PKHD1: variants seen among roughly 807,000 people sequenced by gnomAD.
PKHD1 encodes the protein fibrocystin.
Under a neutral mutation model 412.0 loss-of-function variants are expected in PKHD1, and 291 were observed. The observed-to-expected ratio is 0.71, with a 90% CI of 0.64 to 0.78. The LOEUF (loss-of-function observed/expected upper bound fraction) is 0.78, where lower values mean the gene tolerates loss of function less well. PKHD1 is among the 30% of genes least tolerant of loss of function. The pLI, the probability that PKHD1 is intolerant of heterozygous loss-of-function variation, is 0.00. For synonymous variants in PKHD1, 1,777 were observed against 1,821.5 expected (o/e 0.98, Z 0.62); for missense variants, 4,825 against 4,950.7 (o/e 0.97, Z 0.76).
chr6:51,793,179 A>G (rs1294581751), intron 52 of PKHD1, among the ~76,000 whole-genome samples: 2 of 152,184 alleles, frequency 1.3e-5, no homozygotes, highest in Non-Finnish European at 2.9e-5. Flanking sequence ...ATAAATATAT[A>G]TCTTAATCTC....
chr6:51,674,227 C>T (rs1257295168), intron 60 of PKHD1, among the ~76,000 whole-genome samples: 1 of 152,130 alleles, frequency 6.6e-6, no homozygotes, highest in Non-Finnish European at 1.5e-5. Context: ...TTTCAGCTAT[C>T]ACATAATGGT....
At chr6:52,047,940 T>C (rs1039390500) in intron 23 of PKHD1, among the ~76,000 whole-genome samples, 6 of 152,212 alleles carry the variant, frequency 3.9e-5, no homozygotes, top group African/African-American at 1.4e-4. Flanking sequence ...TCCTAGATTA[T>C]CCCAGGTGGA....
At chr6:52,054,398 C>CA (rs1338520784) in intron 19 of PKHD1, among the ~76,000 whole-genome samples, 2 of 152,058 alleles carry the variant, frequency 1.3e-5, no homozygotes, top group South Asian at 2.1e-4. Context: ...TTTCTGAGAC[C>CA]AAAAAAATGT....
intron 20 of PKHD1, among the ~76,000 whole-genome samples, chr6:52,053,582 A>G (rs1466532618): frequency 6.6e-6 from 1 of 152,228 alleles, no homozygotes; most frequent in Non-Finnish European, 1.5e-5. Flanking sequence ...GAGAAGATTG[A>G]TACTTCTGGA....
At chr6:51,794,576 C>T (rs766384982) in intron 52 of PKHD1, among the ~76,000 whole-genome samples, 1 of 152,210 alleles carries the variant, frequency 6.6e-6, no homozygotes, top group East Asian at 1.9e-4. Flanking sequence ...TTGGCATCTT[C>T]ATCATGAAAT....
At chr6:51,967,964 T>C (rs890170240) in intron 35 of PKHD1, among the ~76,000 whole-genome samples, 2 of 152,172 alleles carry the variant, frequency 1.3e-5, no homozygotes, top group Non-Finnish European at 2.9e-5. Context: ...GAGCGTACTT[T>C]CCCTGCTATG....
At chr6:51,634,039 ATC>A (rs906571057) in intron 64 of PKHD1, among the ~76,000 whole-genome samples, 1 of 152,090 alleles carries the variant, frequency 6.6e-6, no homozygotes, top group African/African-American at 2.4e-5. Context: ...TGTCAATCAT[ATC>A]TCAATACAAA....
chr6:51,750,922 G>T (rs1231728744), intron 57 of PKHD1, among the ~76,000 whole-genome samples: 1 of 151,966 alleles, frequency 6.6e-6, no homozygotes, highest in African/African-American at 2.4e-5. Flanking sequence ...GACTACAGGT[G>T]CATGCCACCA....
intron 62 of PKHD1, 96 bp downstream of exon 62, chr6:51,648,989 G>T: frequency 1.6e-6 from 2 of 1,235,482 alleles, no homozygotes; most frequent in Non-Finnish European, 2.4e-6. Flanking sequence ...TGGGCACTCT[G>T]TAAATGTGTA....
At chr6:51,924,090 T>C (rs1248210492) in intron 37 of PKHD1, among the ~76,000 whole-genome samples, 1 of 152,174 alleles carries the variant, frequency 6.6e-6, no homozygotes, top group Non-Finnish European at 1.5e-5. Flanking sequence ...TAAAATCCAA[T>C]TTTGACAAAT....
chr6:51,629,573 C>A lies in PKHD1; in HGVS notation c.11666-2457G>T, dbSNP rs1767685641. Reference sequence around the variant, plus strand: ...ACCCTGAAATAAAATCACAGTAAAACAAAACAAAACAAAAAACCAAGAAGA... The same window carrying A: ...ACCCTGAAATAAAATCACAGTAAAAAAAAACAAAACAAAAAACCAAGAAGA... On this transcript the variant is annotated intron_variant, in intron 65 of 66. Transcript: ENST00000371117. Among the ~76,000 whole-genome samples, 2 of 151,226 alleles carry A rather than the reference C, an allele frequency of 1.3e-5. 1 individual carries two copies. The highest frequency in any genetic ancestry group is 4.2e-4 in the South Asian group (2 of 4,796).
chr6:51,737,802 T>C (rs1784048161), intron 60 of PKHD1, among the ~76,000 whole-genome samples: 2 of 152,212 alleles, frequency 1.3e-5, no homozygotes, highest in African/African-American at 4.8e-5. Context: ...AAAATCTCCC[T>C]ACATGCCAAT....
At chr6:51,676,585 G>T (rs7743625) in intron 60 of PKHD1, among the ~76,000 whole-genome samples, 70,873 of 151,878 alleles carry the variant, frequency 0.47, 19,392 homozygotes, top group African/African-American at 0.76. Flanking sequence ...TTCTTTTGTG[G>T]CAAACAACAT....
intron 35 of PKHD1, among the ~76,000 whole-genome samples, chr6:51,994,904 C>T (rs1797538922): frequency 6.6e-6 from 1 of 152,068 alleles, no homozygotes; most frequent in South Asian, 2.1e-4. Flanking sequence ...CCCAGACGTG[C>T]CTCCAAGCAC....
intron 52 of PKHD1, among the ~76,000 whole-genome samples, chr6:51,826,988 G>A (rs1767421389): frequency 6.6e-6 from 1 of 152,088 alleles, no homozygotes; most frequent in Admixed American, 6.6e-5. Flanking sequence ...TGATGGGAAT[G>A]TTCTACACGT....
intron 33 of PKHD1, among the ~76,000 whole-genome samples, chr6:52,022,045 ATGTAGTAAGGTCC>A (rs1426105210): frequency 6.6e-6 from 1 of 152,220 alleles, no homozygotes. Flanking sequence ...GCTATCTCAA[ATGTAGTAAGGTCC>A]TGTAGTAATA....
intron 66 of PKHD1, among the ~76,000 whole-genome samples, chr6:51,621,060 G>A (rs1766552392): frequency 6.6e-6 from 1 of 152,072 alleles, no homozygotes; most frequent in Non-Finnish European, 1.5e-5. Flanking sequence ...TTCCAGAAGT[G>A]TTTCTTCACA....
chr6:52,074,652 C>A (rs966463383), intron 6 of PKHD1, among the ~76,000 whole-genome samples: 6 of 152,120 alleles, frequency 3.9e-5, no homozygotes, highest in Non-Finnish European at 8.8e-5. Flanking sequence ...AATGGCCACA[C>A]CAGAGCACGG....
At chr6:51,777,038 T>C (rs1286234907) in intron 53 of PKHD1, among the ~76,000 whole-genome samples, 1 of 152,056 alleles carries the variant, frequency 6.6e-6, no homozygotes, top group African/African-American at 2.4e-5. Context: ...GGTGGGAAGG[T>C]AATCCCAAAA....
Sources: allele counts gnomAD v4.1 joint callset (sites outside exome capture counted in the v4.1 genomes callset), GRCh38; gene constraint gnomAD v4.1.1; transcripts MANE v1.5; gene names NCBI Gene and HGNC (gene_info 2026-07-23, HGNC 2026-07-21).